Variants in ABCC1 observed in about 807,000 individuals in gnomAD.
ABCC1 encodes the protein ATP binding cassette subfamily C member 1 (ABCC1 blood group).
A neutral mutation model predicts 172.9 loss-of-function variants in ABCC1; 83 were observed. The observed-to-expected ratio is 0.48, with a 90% confidence interval of 0.40 to 0.58. ABCC1 has a LOEUF of 0.58. ABCC1 is among the 20% of genes least tolerant of loss of function. The pLI is 0.00. For synonymous variants in ABCC1, 937 were observed against 825.2 expected (o/e 1.14, Z -2.32); for missense variants, 1,817 against 2,002.7 (o/e 0.91, Z 1.77).
intron 1 of ABCC1, among the ~76,000 whole-genome samples, chr16:15,993,048 C>T (rs1205286030): frequency 6.6e-6 from 1 of 152,164 alleles, no homozygotes; most frequent in Non-Finnish European, 1.5e-5. Flanking sequence ...GTCCTGACAC[C>T]CCTGCTCTTT....
chr16:16,101,998 T>G (rs1197160449), intron 19 of ABCC1, among the ~76,000 whole-genome samples: 1 of 152,178 alleles, frequency 6.6e-6, no homozygotes, highest in African/African-American at 2.4e-5. Context: ...GAAGCTCACC[T>G]GGTTGTTGGC....
chr16:16,124,567 T>C (rs12920923), intron 24 of ABCC1, among the ~76,000 whole-genome samples: 2 of 152,224 alleles, frequency 1.3e-5, no homozygotes, highest in African/African-American at 4.8e-5. Context: ...TCCATGGGTT[T>C]GCCAGATTAA....
chr16:15,974,203 C>T (rs1325743072), intron 1 of ABCC1, among the ~76,000 whole-genome samples: 3 of 152,134 alleles, frequency 2.0e-5, no homozygotes. Context: ...TTGGAAAGGG[C>T]TGTGCTTTGG....
At chr16:16,099,381 C>T (rs1226483362) in intron 19 of ABCC1, among the ~76,000 whole-genome samples, 3 of 152,166 alleles carry the variant, frequency 2.0e-5, no homozygotes, top group Non-Finnish European at 4.4e-5. Context: ...AGGGATGTCG[C>T]CTAGTGGAAT....
intron 19 of ABCC1, among the ~76,000 whole-genome samples, chr16:16,096,719 CCTT>C (rs2051496292): frequency 6.6e-6 from 1 of 152,150 alleles, no homozygotes; most frequent in Non-Finnish European, 1.5e-5. Flanking sequence ...AGTTCCAGAA[CCTT>C]CTTGAGTAAA....
intron 12 of ABCC1, among the ~76,000 whole-genome samples, chr16:16,062,409 TG>T (rs1252640491): frequency 2.0e-5 from 3 of 152,080 alleles, no homozygotes; most frequent in Non-Finnish European, 4.4e-5. Context: ...TACAGTGGCT[TG>T]ATCACAGCTC....
At chr16:16,065,829 C>T (rs1354963538) in intron 12 of ABCC1, among the ~76,000 whole-genome samples, 9 of 152,318 alleles carry the variant, frequency 5.9e-5, no homozygotes, top group Middle Eastern at 3.4e-3. Flanking sequence ...CCTCCCTCCT[C>T]GGCCTTGCAA....
At chr16:16,105,931 C>T (rs1376495090) in intron 20 of ABCC1, among the ~76,000 whole-genome samples, 1 of 145,322 alleles carries the variant, frequency 6.9e-6, no homozygotes, top group Non-Finnish European at 1.5e-5. Flanking sequence ...GGCTGGAGTG[C>T]AGTGGTGCAA....
chr16:16,128,397 C>T (rs1041692892), intron 26 of ABCC1, among the ~76,000 whole-genome samples: 6 of 152,092 alleles, frequency 3.9e-5, no homozygotes, highest in Non-Finnish European at 7.4e-5. Context: ...GATCCACCCG[C>T]CTCAGCCTCC....
intron 24 of ABCC1, among the ~76,000 whole-genome samples, chr16:16,124,341 G>GTGTGTGTGTGTGTGTGTGTGTGTA (rs2045319930): frequency 1.5e-5 from 2 of 131,752 alleles, no homozygotes; most frequent in African/African-American, 6.0e-5. Context: ...GTGTGTGTGT[G>GTGTGTGTGTGTGTGTGTGTGTGTA]TGTGTGTGAT....
intron 29 of ABCC1, among the ~76,000 whole-genome samples, chr16:16,137,578 C>T (rs1001689382): frequency 3.8e-5 from 3 of 79,268 alleles, no homozygotes; most frequent in African/African-American, 4.9e-5. Context: ...TTTTTTGAGA[C>T]GGAGGGTCTC....
chr16:16,037,088 T>C (rs1375459316), intron 7 of ABCC1, among the ~76,000 whole-genome samples: 2 of 150,192 alleles, frequency 1.3e-5, no homozygotes, highest in Non-Finnish European at 3.0e-5. Context: ...GGAGACAGAG[T>C]GAGACTCCGT....
chr16:16,019,591 G>C (rs2048124998), intron 5 of ABCC1, among the ~76,000 whole-genome samples: 1 of 152,192 alleles, frequency 6.6e-6, no homozygotes, highest in Non-Finnish European at 1.5e-5. Context: ...GGTTCTGGAA[G>C]CTTTTTGAAG....
In ABCC1 at chr16:16,016,479, C is replaced by T. The variant is rs1169388100; in HGVS notation, c.490-17C>T. ...CCAGAATGTGATCTTTTTCTTCCTT[C>T]CTTCCCCACCATGTAGGATGCCCAG... On this transcript the variant is annotated splice_polypyrimidine_tract_variant and intron_variant, in intron 4 of 30. Transcript: ENST00000399410. The T allele has an allele frequency of 3.0e-5, 48 of 1,613,562 alleles. No individual in the cohort carries two copies. The highest frequency in any genetic ancestry group is 5.3e-5 in the African/African-American group (4 of 74,918).
At position 16,086,808 on chromosome 16, in the gene ABCC1, G is replaced by C. The variant is rs769853406; in HGVS notation, c.2293-16G>C. ...GATTTCCCAGGAAACCCACTCCTGT[G>C]TGTGTCTCTCCCCAGGGCGTGAACC... On this transcript the variant is annotated splice_polypyrimidine_tract_variant and intron_variant, in intron 17 of 30. Transcript: ENST00000399410. 3.0e-5 allele frequency: 49 copies of C among 1,612,240 alleles called. No individual in the cohort carries two copies. Among genetic ancestry groups the C allele is most frequent in the Non-Finnish European group, 4.0e-5 (47 of 1,179,396 alleles).
chr16:16,004,024 GTGGATGGATGGA>G (rs138260161), intron 1 of ABCC1, among the ~76,000 whole-genome samples: 1 of 42,356 alleles, frequency 2.4e-5, no homozygotes, highest in Admixed American at 2.9e-4. Context: ...GGATGAATTG[GTGGATGGATGGA>G]TGGATGGGTT....
intron 1 of ABCC1, among the ~76,000 whole-genome samples, chr16:15,984,341 A>G (rs1377408206): frequency 1.3e-5 from 2 of 152,102 alleles, no homozygotes; most frequent in African/African-American, 4.8e-5. Context: ...AGAATTACGT[A>G]GTTGTATTTG....
intron 23 of ABCC1, among the ~76,000 whole-genome samples, chr16:16,118,444 T>TTTC (rs1555501544): frequency 1.5e-5 from 2 of 132,586 alleles, no homozygotes; most frequent in Non-Finnish European, 3.5e-5. Context: ...TTTTTTTTTT[T>TTTC]CCCCTGCATT....
chr16:16,097,477 G>C (rs2051534056), intron 19 of ABCC1, among the ~76,000 whole-genome samples: 1 of 152,194 alleles, frequency 6.6e-6, no homozygotes, highest in Non-Finnish European at 1.5e-5. Context: ...ACACATAGTA[G>C]ACACTCAGTA....
Sources: gnomAD v4.1 joint callset for allele counts (sites outside exome capture counted in the v4.1 genomes callset) on GRCh38, gnomAD v4.1.1 for gene constraint, MANE v1.5 for transcripts, NCBI Gene and HGNC (gene_info 2026-07-23, HGNC 2026-07-21) for gene names.